TMEM143: variants seen among roughly 807,000 people sequenced by gnomAD.
TMEM143 encodes the protein transmembrane protein 143.
A neutral mutation model predicts 40.3 loss-of-function variants in TMEM143; 45 were observed. The observed-to-expected ratio is 1.12, with a 90% CI of 0.88 to 1.43. The LOEUF is 1.43. Among genes scored for constraint, TMEM143 ranks in the 40% most tolerant of loss-of-function variants. The pLI is 0.00. For synonymous variants in TMEM143, 299 were observed against 282.7 expected (o/e 1.06, Z -0.58); for missense variants, 620 against 613.4 (o/e 1.01, Z -0.11).
intron 6 of TMEM143, among the ~76,000 whole-genome samples, chr19:48,342,075 A>G (rs1322228700): frequency 4.5e-5 from 5 of 110,176 alleles, no homozygotes; most frequent in Non-Finnish European, 9.2e-5. Context: ...GCAAGAAGGG[A>G]GGGAAGGGAG....
chr19:48,339,489 G>A (rs1969442282), intron 6 of TMEM143, among the ~76,000 whole-genome samples: 1 of 152,190 alleles, frequency 6.6e-6, no homozygotes, highest in South Asian at 2.1e-4. Flanking sequence ...GGGGCTCTGA[G>A]TGCCTGTTCC....
intron 6 of TMEM143, among the ~76,000 whole-genome samples, chr19:48,336,905 C>T (rs1239047300): frequency 6.6e-6 from 1 of 151,666 alleles, no homozygotes; most frequent in Non-Finnish European, 1.5e-5. Flanking sequence ...CCTGTAGTCC[C>T]AGCTACTCAG....
At chr19:48,335,494 G>A (rs1272404321) in intron 6 of TMEM143, among the ~76,000 whole-genome samples, 1 of 152,158 alleles carries the variant, frequency 6.6e-6, no homozygotes, top group African/African-American at 2.4e-5. Context: ...GGAGGCCAAG[G>A]CAGGTGAATC....
At chr19:48,346,908 A>C (rs1326019886) in intron 3 of TMEM143, among the ~76,000 whole-genome samples, 1 of 152,102 alleles carries the variant, frequency 6.6e-6, no homozygotes, top group East Asian at 1.9e-4. Flanking sequence ...CAGTATCCAC[A>C]TGGCCATTGG....
intron 3 of TMEM143, among the ~76,000 whole-genome samples, chr19:48,359,509 GT>G (rs775409244): frequency 0.048 from 4,216 of 88,556 alleles, 69 homozygotes; most frequent in Middle Eastern, 0.07. Flanking sequence ...ACCCCTCTTT[GT>G]TTTTTTTTTT....
At position 48,352,246 on chromosome 19, in the gene TMEM143, C is replaced by CAAAAAAAAA. The variant is rs1231759805; in HGVS notation, c.370-6901_370-6893dup. ...TGGGTGACAGAGTGAGACTCTGTCT[C>CAAAAAAAAA]AAAAAAAAAAAAAAAACACCATATC... On this transcript the variant is annotated intron_variant, in intron 3 of 7. Transcript: ENST00000293261. 1.0e-3 allele frequency among the ~76,000 whole-genome samples: 42 copies of CAAAAAAAAA among 41,570 alleles called. 10 individuals carry two copies. The highest frequency in any genetic ancestry group is 6.8e-3 in the East Asian group (7 of 1,036). 27.3% of individuals were successfully genotyped at this position (41,570 alleles called of 152,430 possible). A position where few individuals can be genotyped will look rare whatever the true frequency, so the allele number is the denominator to read the frequency against.
intron 3 of TMEM143, among the ~76,000 whole-genome samples, chr19:48,357,931 A>AG (rs1342243031): frequency 1.1e-5 from 1 of 90,662 alleles, no homozygotes; most frequent in Non-Finnish European, 2.2e-5. Context: ...GGACTCAGGG[A>AG]GGGGGGTTGG....
intron 6 of TMEM143, among the ~76,000 whole-genome samples, chr19:48,341,013 AC>A (rs1205627162): frequency 1.3e-5 from 2 of 152,088 alleles, no homozygotes; most frequent in Non-Finnish European, 2.9e-5. Context: ...GTATGCCAGC[AC>A]CCTCTCAGGC....
At chr19:48,339,206 T>C (rs1257924857) in intron 6 of TMEM143, among the ~76,000 whole-genome samples, 1 of 151,744 alleles carries the variant, frequency 6.6e-6, no homozygotes, top group African/African-American at 2.4e-5. Flanking sequence ...AAGGGTGGGC[T>C]GGGGGTCTAG....
At position 48,333,475 on chromosome 19, in the gene TMEM143, C is replaced by T. The variant is rs1310814123; in HGVS notation, c.1166-42G>A. ...AGGTGTTCTGAGGTCACACTGAGATCGGGGAAGATTCGAGGGAGCAGCAAG... is the reference window on the plus strand; with the variant it reads ...AGGTGTTCTGAGGTCACACTGAGATTGGGGAAGATTCGAGGGAGCAGCAAG... On this transcript the variant is annotated intron_variant, in intron 7 of 7. Transcript: ENST00000293261. The surrounding 1 kb of genome is among the most constrained non-coding windows in gnomAD (Gnocchi z 4.1). 2 of 1,401,056 alleles carry T rather than the reference C, an allele frequency of 1.4e-6. No individual in the cohort carries two copies. The highest frequency in any genetic ancestry group is 2.3e-5 in the East Asian group (1 of 42,934). The allele number at this position is 1,401,056 out of a possible 1,614,324, so 86.8% of individuals were successfully genotyped here.
intron 6 of TMEM143, among the ~76,000 whole-genome samples, chr19:48,334,861 G>A (rs1465523355): frequency 6.6e-6 from 1 of 152,110 alleles, no homozygotes; most frequent in Non-Finnish European, 1.5e-5. Context: ...TGGGGTTACA[G>A]GCGTGACCCA....
At position 48,356,491 on chromosome 19, in the gene TMEM143, C is replaced by T. The variant is rs150919324; in HGVS notation, c.369+3581G>A. On this transcript the variant is annotated intron_variant, in intron 3 of 7. Transcript: ENST00000293261. Reference sequence around the variant, plus strand: ...TCACCCAGGCTGGATAGTGCAGTGGCAAAATCTCAGCTCACTGCAACCTCC... The same window carrying T: ...TCACCCAGGCTGGATAGTGCAGTGGTAAAATCTCAGCTCACTGCAACCTCC... Among the ~76,000 whole-genome samples, 548 of 145,508 alleles carry T rather than the reference C, an allele frequency of 3.8e-3. 2 individuals are homozygous for T. The highest frequency in any genetic ancestry group is 0.011 in the Middle Eastern group (3 of 270).
At chr19:48,340,605 C>T (rs1969467318) in intron 6 of TMEM143, among the ~76,000 whole-genome samples, 1 of 152,040 alleles carries the variant, frequency 6.6e-6, no homozygotes, top group African/African-American at 2.4e-5. Context: ...GCCTGACAGG[C>T]TCCATAGCAC....
chr19:48,342,692 C>T lies in TMEM143; in HGVS notation c.813G>A (p.Val271=), dbSNP rs1969526163. The T allele has an allele frequency of 6.2e-7, 1 of 1,614,166 alleles. No homozygotes were observed. Among genetic ancestry groups the T allele is most frequent in the Non-Finnish European group, 8.5e-7 (1 of 1,180,008 alleles). Residue 271 remains valine (V), a synonymous_variant, in exon 6 of 8, where the codon GTG becomes GTA. Transcript: ENST00000293261. ...GGGCGCGCTGCAGGGTGGGCGTGCGCACCTTCAGCTCCGGCAGCAGCTGCT... is the reference window on the plus strand; with the variant it reads ...GGGCGCGCTGCAGGGTGGGCGTGCGTACCTTCAGCTCCGGCAGCAGCTGCT... ...GLEQLLPELK[V]RTPTLQRALL...
intron 3 of TMEM143, chr19:48,359,786 C>G (rs897433709): frequency 7.4e-6 from 2 of 269,122 alleles, no homozygotes; most frequent in African/African-American, 4.6e-5. Context: ...GGATTACAGG[C>G]GTGAGCCACC....
intron 1 of TMEM143, 93 bp downstream of exon 1, chr19:48,363,805 A>C (rs921768414): frequency 1.3e-6 from 2 of 1,585,536 alleles, no homozygotes; most frequent in Non-Finnish European, 1.7e-6. Flanking sequence ...ACAGCGAGGT[A>C]GATCTTAGGA....
chr19:48,341,219 C>T (rs1244758313), intron 6 of TMEM143, among the ~76,000 whole-genome samples: 1 of 152,198 alleles, frequency 6.6e-6, no homozygotes, highest in Non-Finnish European at 1.5e-5. Context: ...CCCCTCTGGG[C>T]TGACTCAGCC....
intron 6 of TMEM143, among the ~76,000 whole-genome samples, chr19:48,340,478 G>A (rs548012654): frequency 3.5e-4 from 53 of 151,494 alleles, no homozygotes; most frequent in African/African-American, 1.3e-3. Flanking sequence ...TGCCCAGGCT[G>A]GACTCCCAAC....
intron 6 of TMEM143, among the ~76,000 whole-genome samples, chr19:48,340,286 C>T (rs533162787): frequency 4.6e-5 from 7 of 151,696 alleles, no homozygotes; most frequent in Non-Finnish European, 8.8e-5. Flanking sequence ...GCCACCATGC[C>T]CAGCTAATTT....
Sources: allele counts gnomAD v4.1 joint callset (sites outside exome capture counted in the v4.1 genomes callset), GRCh38; gene constraint gnomAD v4.1.1; non-coding constraint Gnocchi (gnomAD v3.1); transcripts MANE v1.5; gene names NCBI Gene and HGNC (gene_info 2026-07-23, HGNC 2026-07-21).